The following GSK3B variants were observed in gnomAD, a reference collection of about 807,000 sequenced individuals.
GSK3B encodes the protein glycogen synthase kinase-3 beta.
GSK3B carries 15 observed loss-of-function variants against 56.4 expected under a neutral mutation model. The ratio of observed to expected loss-of-function variants is 0.27; its 90% confidence interval spans 0.18 to 0.41. GSK3B has a LOEUF of 0.41. GSK3B is among the 10% of genes least tolerant of loss of function. GSK3B has a pLI of 1.00. For missense variants in GSK3B, 300 were observed against 513.4 expected (o/e 0.58, Z 4.02); for synonymous variants, 181 against 188.9 (o/e 0.96, Z 0.34).
At chr3:120,077,484 A>G (rs1447397966) in intron 1 of GSK3B, among the ~76,000 whole-genome samples, 1 of 152,242 alleles carries the variant, frequency 6.6e-6, no homozygotes, top group Non-Finnish European at 1.5e-5. Flanking sequence ...GCAGAGGTTG[A>G]GCAGGGGAGG....
At chr3:119,882,827 G>A (rs1264366162) in intron 7 of GSK3B, among the ~76,000 whole-genome samples, 1 of 152,026 alleles carries the variant, frequency 6.6e-6, no homozygotes, top group Non-Finnish European at 1.5e-5. Flanking sequence ...TTTCACCTGG[G>A]TTCCCCACTG....
chr3:120,082,982 T>C (rs1203164131), intron 1 of GSK3B, among the ~76,000 whole-genome samples: 2 of 151,770 alleles, frequency 1.3e-5, no homozygotes, highest in African/African-American at 4.9e-5. Context: ...TTAATATTAA[T>C]ATTTTTCAGA....
rs1243771834 is a variant in GSK3B at position 119,822,279 on chromosome 3, T to C, written c.*4509A>G. 1.7e-5 allele frequency: 3 copies of C among 179,620 alleles called. No homozygotes were observed. Among genetic ancestry groups the C allele is most frequent in the African/African-American group, 7.1e-5 (3 of 42,104 alleles). The allele number at this position is 179,620 out of a possible 1,614,324, so 11.1% of individuals were successfully genotyped here. On this transcript the variant is annotated 3_prime_UTR_variant, in exon 11 of 11. Transcript: ENST00000264235. Reference sequence around the variant, plus strand: ...TATATATATATATAATAAATTTTGTTTTTTAGGTTTGTTTTTAAGATGGAA... The same window carrying C: ...TATATATATATATAATAAATTTTGTCTTTTAGGTTTGTTTTTAAGATGGAA...
At chr3:119,886,487 C>T (rs375516580) in intron 7 of GSK3B, among the ~76,000 whole-genome samples, 4 of 152,080 alleles carry the variant, frequency 2.6e-5, no homozygotes, top group South Asian at 2.1e-4. Flanking sequence ...TTAGAGATTT[C>T]TCAAATAACT....
chr3:119,864,783 G>A (rs1002038066), intron 8 of GSK3B, among the ~76,000 whole-genome samples: 3 of 152,200 alleles, frequency 2.0e-5, no homozygotes, highest in Non-Finnish European at 2.9e-5. Context: ...GATTATTTAT[G>A]AGTGCTGTCT....
At chr3:120,013,258 C>A (rs1217853833) in intron 1 of GSK3B, among the ~76,000 whole-genome samples, 1 of 152,162 alleles carries the variant, frequency 6.6e-6, no homozygotes, top group African/African-American at 2.4e-5. Context: ...GTGTCTGGCA[C>A]TGACACTCTA....
intron 7 of GSK3B, among the ~76,000 whole-genome samples, chr3:119,904,198 G>A (rs545054699): frequency 4.6e-5 from 7 of 152,028 alleles, no homozygotes; most frequent in Non-Finnish European, 1.0e-4. Context: ...CCTCGATTTT[G>A]CCTTTTGGCC....
In GSK3B at chr3:119,826,306, G is replaced by A. The variant is rs1428506951; in HGVS notation, c.*482C>T. The A allele has an allele frequency of 2.1e-5, 6 of 290,222 alleles. No homozygotes were observed. Among genetic ancestry groups the A allele is most frequent in the South Asian group, 6.2e-5 (1 of 16,046 alleles). The allele number at this position is 290,222 out of a possible 1,614,324, so 18.0% of individuals were successfully genotyped here. On this transcript the variant is annotated 3_prime_UTR_variant, in exon 11 of 11. Coordinates refer to ENST00000264235, the MANE Select transcript of GSK3B (RefSeq NM_001146156.2). ...TTTTACAAGTGACATTTAAGTCCCC[G>A]TTGAGTTATACCTGCTAAGCTCCCA...
At chr3:120,014,132 CA>C (rs886541816) in intron 1 of GSK3B, among the ~76,000 whole-genome samples, 11,501 of 77,436 alleles carry the variant, frequency 0.15, 436 homozygotes, top group Middle Eastern at 0.22. Context: ...GAGACTCTGT[CA>C]AAAAAAAAAA....
intron 1 of GSK3B, among the ~76,000 whole-genome samples, chr3:120,038,302 T>C (rs1576288884): frequency 6.6e-6 from 1 of 152,352 alleles, no homozygotes. Flanking sequence ...TGGTGGTTCA[T>C]GCCTGTAATC....
chr3:119,928,604 CAAAAAAATA>C (rs2056910798), intron 3 of GSK3B, among the ~76,000 whole-genome samples: 2 of 28,640 alleles, frequency 7.0e-5, no homozygotes, highest in Admixed American at 7.9e-4. Flanking sequence ...GACTCCATAT[CAAAAAAATA>C]AAAAAAAAAA....
Position 119,822,547 on chromosome 3 carries a change from T to A in GSK3B, c.*4241A>T. 3 of 228,462 alleles carry A rather than the reference T, an allele frequency of 1.3e-5. No individual in the cohort carries two copies. The highest frequency in any genetic ancestry group is 2.6e-5 in the Non-Finnish European group (3 of 115,100). 14.2% of individuals were successfully genotyped at this position (228,462 alleles called of 1,614,324 possible). A position where few individuals can be genotyped will look rare whatever the true frequency, so the allele number is the denominator to read the frequency against. On this transcript the variant is annotated 3_prime_UTR_variant, in exon 11 of 11. Coordinates refer to ENST00000264235, the MANE Select transcript of GSK3B (RefSeq NM_001146156.2). ...GAGGTGCAAAACGGAGCAACAAACT[T>A]GAATAAAACGGCATAACCCTTGTGA... is the stretch of plus-strand genomic sequence containing the variant.
chr3:119,994,829 C>T (rs1385810860), intron 2 of GSK3B, among the ~76,000 whole-genome samples: 2 of 151,994 alleles, frequency 1.3e-5, no homozygotes, highest in African/African-American at 4.8e-5. Context: ...TTTTCTTGTG[C>T]CACAATGGAC....
At chr3:120,006,882 A>C (rs1405987445) in intron 1 of GSK3B, among the ~76,000 whole-genome samples, 2 of 152,098 alleles carry the variant, frequency 1.3e-5, no homozygotes, top group Non-Finnish European at 2.9e-5. Context: ...ACAAATTCAA[A>C]ACCTCGCAGA....
chr3:119,972,490 C>T (rs1221011847), intron 2 of GSK3B, among the ~76,000 whole-genome samples: 2 of 152,176 alleles, frequency 1.3e-5, no homozygotes, highest in African/African-American at 4.8e-5. Flanking sequence ...GCCTGGGGTA[C>T]AGTGGTGCGA....
chr3:120,057,781 A>G (rs1267844645), intron 1 of GSK3B, among the ~76,000 whole-genome samples: 1 of 152,112 alleles, frequency 6.6e-6, no homozygotes, highest in Non-Finnish European at 1.5e-5. Context: ...GACATCTCTA[A>G]ACCTCAGTTC....
intron 3 of GSK3B, among the ~76,000 whole-genome samples, chr3:119,933,696 G>A (rs2056968213): frequency 5.9e-5 from 9 of 151,948 alleles, no homozygotes; most frequent in Admixed American, 5.9e-4. Flanking sequence ...GGCCAACATG[G>A]TGAAACCCCG....
chr3:119,925,773 C>T (rs2056883744), intron 3 of GSK3B, among the ~76,000 whole-genome samples: 1 of 152,074 alleles, frequency 6.6e-6, no homozygotes, highest in African/African-American at 2.4e-5. Flanking sequence ...CTTAAGCTGG[C>T]TTTCTCCAGT....
chr3:119,852,764 T>C (rs2055955925), intron 9 of GSK3B, among the ~76,000 whole-genome samples: 1 of 152,224 alleles, frequency 6.6e-6, no homozygotes, highest in South Asian at 2.1e-4. Flanking sequence ...ACCCACTTTT[T>C]GATGGGGTTG....
Sources: gnomAD v4.1 joint callset for allele counts (sites outside exome capture counted in the v4.1 genomes callset) on GRCh38, gnomAD v4.1.1 for gene constraint, MANE v1.5 for transcripts, NCBI Gene and HGNC (gene_info 2026-07-23, HGNC 2026-07-21) for gene names.